OFD1: variants seen among roughly 807,000 people sequenced by gnomAD.
The protein encoded by OFD1 is OFD1 centriole and centriolar satellite protein.
Under a neutral mutation model 81.4 loss-of-function variants are expected in OFD1, and 12 were observed. The ratio of observed to expected loss-of-function variants is 0.15; its 90% CI spans 0.09 to 0.24. The LOEUF is 0.24. Among genes scored for constraint, OFD1 ranks in the 10% least tolerant of loss-of-function variants. OFD1 has a pLI of 1.00. For synonymous variants in OFD1, 256 were observed against 263.7 expected (o/e 0.97, Z 0.28); for missense variants, 685 against 733.9 (o/e 0.93, Z 0.77).
chrX:13,765,413 G>A (rs1048583405), intron 19 of OFD1, among the ~76,000 whole-genome samples: 6 of 111,754 alleles, frequency 5.4e-5, no homozygotes, highest in Admixed American at 1.9e-4. Flanking sequence ...ATCTTGTTTA[G>A]GAGTAACTAT....
the OFD1 span, among the ~76,000 whole-genome samples, chrX:13,717,005 T>C: frequency 1.4e-5 from 1 of 70,676 alleles, no homozygotes; most frequent in East Asian, 5.0e-4. Flanking sequence ...TCTGTAACCA[T>C]CTAAACATGT....
intron 6 of OFD1, among the ~76,000 whole-genome samples, chrX:13,745,537 G>C (rs1363167112): frequency 8.9e-6 from 1 of 111,752 alleles, no homozygotes; most frequent in East Asian, 2.8e-4. Context: ...GTCCTGTGTT[G>C]GACAGCATCT....
chrX:13,765,185 A>C, intron 19 of OFD1, among the ~76,000 whole-genome samples: 1 of 110,485 alleles, frequency 9.1e-6, no homozygotes, highest in Admixed American at 9.6e-5. Context: ...TCATCTGGGC[A>C]CAAAGGGAAT....
Position 13,755,119 on chromosome X carries a change from T to C in OFD1, c.1130-32T>C, listed in dbSNP as rs1362215667. ...GCTTTTGTATTCACTAGGAAAACAT[T>C]ATGGTGTTTAATTGGTGGGCTCTTT... On this transcript the variant is annotated intron_variant, in intron 11 of 22. Transcript: ENST00000340096. The C allele has an allele frequency of 2.9e-6, 3 of 1,034,555 alleles. No individual in the cohort carries two copies. The South Asian group carries it at 5.6e-5, about 19-fold the overall frequency. 85.3% of individuals were successfully genotyped at this position (1,034,555 alleles called of 1,213,427 possible). A position where few individuals can be genotyped will look rare whatever the true frequency, so the allele number is the denominator to read the frequency against.
intron 2 of OFD1, 44 bp downstream of exon 2, chrX:13,735,390 C>T (rs987095890): frequency 1.0e-6 from 1 of 977,807 alleles, no homozygotes; most frequent in South Asian, 1.9e-5. Context: ...ACAAGTGTAA[C>T]CTGTAACAGG....
intron 10 of OFD1, chrX:13,752,902 C>T: frequency 1.1e-6 from 1 of 932,487 alleles, no homozygotes. Flanking sequence ...ATATAATGCT[C>T]TTGGCAGTTG....
chrX:13,751,474 G>GAAA, intron 10 of OFD1, 106 bp downstream of exon 10: 2 of 461,597 alleles, frequency 4.3e-6, no homozygotes, highest in Non-Finnish European at 6.9e-6. Flanking sequence ...TTTAGTGTTT[G>GAAA]AAAAAAAAAA....
At chrX:13,744,180 C>A (rs762056045) in intron 5 of OFD1, among the ~76,000 whole-genome samples, 5 of 110,989 alleles carry the variant, frequency 4.5e-5, no homozygotes, top group African/African-American at 6.6e-5. Context: ...CTAGTCCCAG[C>A]TACTTGGGAG....
At chrX:13,761,817 G>A (rs896388154) in intron 17 of OFD1, among the ~76,000 whole-genome samples, 1 of 109,497 alleles carries the variant, frequency 9.1e-6, no homozygotes, top group Non-Finnish European at 1.9e-5. Flanking sequence ...ACAGCAGAGG[G>A]AACTGACTCC....
chrX:13,757,617 G>A, intron 13 of OFD1, 43 bp from the exon 14 acceptor site: 1 of 1,179,320 alleles, frequency 8.5e-7, no homozygotes, highest in Admixed American at 2.3e-5. Context: ...AAAACTTAAG[G>A]TTGGTAATGA....
Position 13,763,822 on chromosome X carries a change from G to A in OFD1, c.2566G>A (p.Ala856Thr). 8.3e-7 allele frequency: 1 copy of A among 1,210,759 alleles called. No individual in the cohort carries two copies. The highest frequency in any genetic ancestry group is 2.4e-4 in the Middle Eastern group (1 of 4,123). ...GGATATGTCTCATGTGGACGCTGCTGCAGCTGCTGTGCCCCTCTCATATCA... is the reference window on the plus strand; with the variant it reads ...GGATATGTCTCATGTGGACGCTGCTACAGCTGCTGTGCCCCTCTCATATCA... ...AGDMSHVDAA[A>T]AAVPLSYQHP... Residue 856 changes from alanine (A) to threonine (T), a missense_variant, in exon 19 of 23, where the codon GCA becomes ACA. Coordinates refer to ENST00000340096, the MANE Select transcript of OFD1 (RefSeq NM_003611.3).
chrX:13,733,952 A>G (rs982686761), upstream of OFD1: 12 of 505,540 alleles, frequency 2.4e-5, no homozygotes, highest in Non-Finnish European at 3.9e-5. Context: ...TTCTTGTTCA[A>G]TTCTCTGGCT....
chrX:13,763,778 G>A lies in OFD1; in HGVS notation c.2522G>A (p.Gly841Asp), dbSNP rs1210546676. 1 of 1,211,409 alleles carries A rather than the reference G, an allele frequency of 8.3e-7. No individual in the cohort carries two copies. Reference protein sequence around the residue: ...AGNMPRQLEMGGLSPAGDMSH... With the variant: ...AGNMPRQLEMDGLSPAGDMSH... ...AACATGCCAAGGCAGTTGGAAATGG[G>A]CGGGCTTTCTCCTGCCGGGGATATG... is the stretch of plus-strand genomic sequence containing the variant. The change falls in exon 19 of 23, where the codon GGC becomes GAC. Residue 841 changes from glycine to aspartate, a missense_variant. Gly to Asp is a moderately conservative substitution (Grantham distance 94). Coordinates refer to ENST00000340096, the MANE Select transcript of OFD1 (RefSeq NM_003611.3).
chrX:13,738,547 TTCATCAGATATTTCAGTG>T, intron 3 of OFD1: 2 of 203,195 alleles, frequency 9.8e-6, no homozygotes, highest in Non-Finnish European at 1.8e-5. Context: ...TAGTCATTGG[TTCATCAGATATTTCAGTG>T]TCATCTGTAA....
chrX:13,759,331 T>C (rs2047836987), intron 15 of OFD1, among the ~76,000 whole-genome samples: 1 of 112,417 alleles, frequency 8.9e-6, no homozygotes, highest in Non-Finnish European at 1.9e-5. Context: ...GTGAAACTTC[T>C]CACAGCTGAA....
At chrX:13,737,328 T>A (rs772460814) in intron 3 of OFD1, among the ~76,000 whole-genome samples, 1 of 111,004 alleles carries the variant, frequency 9.0e-6, no homozygotes, top group Non-Finnish European at 1.9e-5. Flanking sequence ...AGTACTACTT[T>A]ATTATTTTAA....
At chrX:13,717,055 AAAAAAAAAAC>A in the OFD1 span, among the ~76,000 whole-genome samples, 1 of 106,002 alleles carries the variant, frequency 9.4e-6, no homozygotes, top group African/African-American at 3.4e-5. Context: ...AAAAAAAAAA[AAAAAAAAAAC>A]AAGATCCTGT....
chrX:13,751,769 C>T (rs963771538), intron 10 of OFD1, among the ~76,000 whole-genome samples: 3 of 111,987 alleles, frequency 2.7e-5, no homozygotes, highest in African/African-American at 6.5e-5. Context: ...GGGAGGCAGA[C>T]GTTGCAGTGA....
At chrX:13,750,758 C>A (rs1024675003) in intron 9 of OFD1, among the ~76,000 whole-genome samples, 2 of 112,073 alleles carry the variant, frequency 1.8e-5, no homozygotes. Flanking sequence ...ATTATAGGTG[C>A]GGGCCACCAC....
Sources: gnomAD v4.1 joint callset for allele counts (sites outside exome capture counted in the v4.1 genomes callset) on GRCh38, gnomAD v4.1.1 for gene constraint, MANE v1.5 for transcripts, NCBI Gene and HGNC (gene_info 2026-07-23, HGNC 2026-07-21) for gene names.